Variants in TRAM2 observed in about 807,000 individuals in gnomAD.
The protein encoded by TRAM2 is translocation associated membrane protein 2.
A neutral mutation model predicts 51.0 loss-of-function variants in TRAM2; 12 were observed. The observed-to-expected ratio is 0.24, with a 90% confidence interval of 0.15 to 0.38. The LOEUF (loss-of-function observed/expected upper bound fraction) is 0.38. Ranked by LOEUF, TRAM2 falls within the 10% of genes least tolerant of loss-of-function variation. The pLI is 1.00. For missense variants in TRAM2, 361 were observed against 462.0 expected, an observed-to-expected ratio of 0.78 and a Z score of 2.00; for synonymous variants, 175 against 179.4, an observed-to-expected ratio of 0.98 and a Z score of 0.20.
chr6:52,568,427 C>T (rs1767625279), intron 1 of TRAM2, among the ~76,000 whole-genome samples: 1 of 152,206 alleles, frequency 6.6e-6, no homozygotes, highest in Non-Finnish European at 1.5e-5. Context: ...AGTCTCAACT[C>T]CAAAACCATG....
intron 1 of TRAM2, among the ~76,000 whole-genome samples, chr6:52,544,550 T>C (rs563688561): frequency 6.6e-6 from 1 of 152,184 alleles, no homozygotes; most frequent in Non-Finnish European, 1.5e-5. Context: ...CTGTGGGAAA[T>C]GCATCCTAAC....
chr6:52,558,452 T>C (rs889512647), intron 1 of TRAM2, among the ~76,000 whole-genome samples: 1 of 152,228 alleles, frequency 6.6e-6, no homozygotes, highest in Non-Finnish European at 1.5e-5. Context: ...AACTGTGGAA[T>C]GAACTGAAGA....
rs147322476 is a variant in TRAM2, at chr6:52,503,087, G to A, written c.*110C>T. ...CCCCATTGCAAGACAGGTTTCGGCT[G>A]TTTGAGACGGAGCATCACAGGCAGG... is the stretch of plus-strand genomic sequence containing the variant. On this transcript the variant is annotated 3_prime_UTR_variant, in exon 11 of 11. Coordinates refer to ENST00000182527, the MANE Select transcript of TRAM2 (RefSeq NM_012288.4). 1.8e-4 allele frequency: 172 copies of A among 937,106 alleles called. No homozygotes were observed. The highest frequency in any genetic ancestry group is 1.7e-3 in the African/African-American group (101 of 61,120). 58.0% of individuals were successfully genotyped at this position (937,106 alleles called of 1,614,324 possible). A position where few individuals can be genotyped will look rare whatever the true frequency, so the allele number is the denominator to read the frequency against.
chr6:52,511,137 C>G (rs1766444398), intron 4 of TRAM2, among the ~76,000 whole-genome samples: 1 of 152,192 alleles, frequency 6.6e-6, no homozygotes, highest in Non-Finnish European at 1.5e-5. Flanking sequence ...GAGTTTTGCT[C>G]TTGTTGCCCA....
chr6:52,564,538 G>A (rs115055520), intron 1 of TRAM2, among the ~76,000 whole-genome samples: 3 of 152,116 alleles, frequency 2.0e-5, no homozygotes, highest in Non-Finnish European at 4.4e-5. Context: ...TGCCCCTTGA[G>A]CCTCAAGGAA....
rs73429552 is a variant in TRAM2 at position 52,576,785 on chromosome 6, C to T, written c.120+11G>A. On this transcript the variant is annotated intron_variant, in intron 1 of 10. Transcript: ENST00000182527. ...ACTGTCCCTCCAGCTCCCTCCTCCC[C>T]AGGCTCTCACCTCGAACATAAGCCC... The T allele has an allele frequency of 2.5e-3, 3,949 of 1,611,830 alleles. 84 individuals carry two copies. The African/African-American group carries it at 0.045, about 18-fold the overall frequency.
intron 2 of TRAM2, among the ~76,000 whole-genome samples, chr6:52,534,866 T>G (rs1406310518): frequency 6.6e-6 from 1 of 152,192 alleles, no homozygotes; most frequent in Admixed American, 6.5e-5. Context: ...GCCCCTCAAC[T>G]GTACTGGGAA....
intron 2 of TRAM2, among the ~76,000 whole-genome samples, chr6:52,534,136 C>T (rs548564148): frequency 6.7e-6 from 1 of 148,186 alleles, no homozygotes; most frequent in Non-Finnish European, 1.5e-5. Context: ...AATCCCAGCA[C>T]TTTGGGAGGC....
At position 52,516,653 on chromosome 6, in the gene TRAM2, G is replaced by A; in HGVS notation, c.269C>T (p.Ala90Val). 1 of 1,613,970 alleles carries A rather than the reference G, an allele frequency of 6.2e-7. No individual in the cohort carries two copies. Among genetic ancestry groups the A allele is most frequent in the Non-Finnish European group, 8.5e-7 (1 of 1,179,842 alleles). ...FYIFITIILHAVVQEYILDKI... is the reference protein window; with the variant it reads ...FYIFITIILHVVVQEYILDKI... ...ATCTAAAATGTACTCCTGAACCACA[G>A]CATGCAAGATGATGGTGATGAAGAT... is the stretch of plus-strand genomic sequence containing the variant. The change falls in exon 3 of 11, where the codon GCT (alanine) becomes GTT (valine). Residue 90 changes from alanine to valine, a missense_variant. Physicochemically the swap from Ala to Val is moderately conservative, Grantham distance 64. Coordinates refer to ENST00000182527, the MANE Select transcript of TRAM2 (RefSeq NM_012288.4).
In TRAM2 at chr6:52,500,517, GGTTTT is replaced by G. The variant is rs1333254354; in HGVS notation, c.*2675_*2679del. Reference sequence around the variant, plus strand: ...ATGCCAGCCCCACTCATGGTCTCAGGGTTTTTTTTTGTTTTTTTTTTTTTTTTTAC... The same window carrying G: ...ATGCCAGCCCCACTCATGGTCTCAGGTTTTTGTTTTTTTTTTTTTTTTTAC... On this transcript the variant is annotated 3_prime_UTR_variant, in exon 11 of 11. Transcript: ENST00000182527. 1 of 103,958 alleles carries G rather than the reference GGTTTT, an allele frequency of 9.6e-6. No homozygotes were observed. The highest frequency in any genetic ancestry group is 3.6e-5 in the African/African-American group (1 of 27,970). 6.4% of individuals were successfully genotyped at this position (103,958 alleles called of 1,614,324 possible).
Position 52,535,884 on chromosome 6 carries a change from G to C in TRAM2, c.121-38C>G, listed in dbSNP as rs201489944. ...GGAAAAGAGTTCCAGTTTAGCTTTT[G>C]GCCACATCAAAAGAAACAAGTGGAA... On this transcript the variant is annotated intron_variant, in intron 1 of 10. Transcript: ENST00000182527. The C allele has an allele frequency of 2.1e-3, 3,281 of 1,587,374 alleles. 7 individuals are homozygous for C. Among genetic ancestry groups the C allele is most frequent in the Non-Finnish European group, 2.8e-3 (3,188 of 1,158,552 alleles).
At chr6:52,552,964 G>A (rs771751446) in intron 1 of TRAM2, among the ~76,000 whole-genome samples, 1 of 152,084 alleles carries the variant, frequency 6.6e-6, no homozygotes, top group Non-Finnish European at 1.5e-5. Flanking sequence ...ATGCTGCTAA[G>A]AGCTTCATAT....
At chr6:52,576,342 T>C (rs1442469824) in intron 1 of TRAM2, among the ~76,000 whole-genome samples, 3 of 152,120 alleles carry the variant, frequency 2.0e-5, no homozygotes, top group Admixed American at 1.3e-4. Context: ...TGGAAAAGGT[T>C]CTGGGTCTCT....
chr6:52,541,444 A>G (rs1238507416), intron 1 of TRAM2, among the ~76,000 whole-genome samples: 6 of 152,232 alleles, frequency 3.9e-5, no homozygotes, highest in Admixed American at 3.9e-4. Context: ...CTCAGCTCGA[A>G]AAGGTAAACT....
chr6:52,557,937 C>T (rs1767437450), intron 1 of TRAM2, among the ~76,000 whole-genome samples: 1 of 152,090 alleles, frequency 6.6e-6, no homozygotes. Context: ...GGAGTAATCA[C>T]AGAAGTCACT....
chr6:52,561,453 C>T (rs891509443), intron 1 of TRAM2, among the ~76,000 whole-genome samples: 10 of 148,764 alleles, frequency 6.7e-5, no homozygotes, highest in Non-Finnish European at 1.3e-4. Context: ...TGGCTAATTT[C>T]TTTTATACTT....
chr6:52,516,771 TG>T (rs1562477691), intron 2 of TRAM2, 34 bp from the exon 3 acceptor site: 1 of 1,533,434 alleles, frequency 6.5e-7, no homozygotes, highest in Non-Finnish European at 9.0e-7. Context: ...TCAGCATCCC[TG>T]GGGGAAGGAA....
In TRAM2 at chr6:52,502,509, C is replaced by A. The variant is rs551687402; in HGVS notation, c.*688G>T. The stretch of plus-strand genomic sequence containing the variant: ...CAGCCACTGGTAGGAGCTCGAGTCA[C>A]GGGACCCAACCGAGTTCACACCATC... On this transcript the variant is annotated 3_prime_UTR_variant, in exon 11 of 11. Transcript: ENST00000182527. The A allele has an allele frequency of 3.9e-5, 6 of 152,382 alleles. No individual in the cohort carries two copies. Among genetic ancestry groups the A allele is most frequent in the Admixed American group, 3.9e-4 (6 of 15,310 alleles). The allele number at this position is 152,382 out of a possible 1,614,324, so 9.4% of individuals were successfully genotyped here.
At chr6:52,563,851 A>AT (rs11405487) in intron 1 of TRAM2, among the ~76,000 whole-genome samples, 26,291 of 136,952 alleles carry the variant, frequency 0.19, 2,868 homozygotes, top group Admixed American at 0.35. Context: ...AAAAACACTT[A>AT]TTTTTTTTTT....
Sources: gnomAD v4.1 joint callset for allele counts (sites outside exome capture counted in the v4.1 genomes callset) on GRCh38, gnomAD v4.1.1 for gene constraint, MANE v1.5 for transcripts, NCBI Gene and HGNC (gene_info 2026-07-23, HGNC 2026-07-21) for gene names.